Variants in LRRC3B observed in about 807,000 individuals in gnomAD.
LRRC3B encodes the protein leucine-rich repeat-containing protein 3B.
In LRRC3B, 2 loss-of-function variants were observed where a neutral mutation model predicts 12.8. The observed-to-expected ratio is 0.16, with a 90% CI of 0.06 to 0.49. LRRC3B has a LOEUF of 0.49. LRRC3B is among the 20% of genes least tolerant of loss of function. The pLI is 0.96. For missense variants in LRRC3B, 189 were observed against 319.4 expected (o/e 0.59, Z 3.11); for synonymous variants, 132 against 122.0 (o/e 1.08, Z -0.54).
At chr3:26,677,988 T>C (rs1456944595) in intron 1 of LRRC3B, among the ~76,000 whole-genome samples, 2 of 152,056 alleles carry the variant, frequency 1.3e-5, no homozygotes, top group East Asian at 1.9e-4. Flanking sequence ...TTCTTCTTTT[T>C]TATTTTTTTG....
At chr3:26,667,848 C>A (rs1699639147) in intron 1 of LRRC3B, among the ~76,000 whole-genome samples, 1 of 151,914 alleles carries the variant, frequency 6.6e-6, no homozygotes, top group Non-Finnish European at 1.5e-5. Context: ...GAGGCAAATA[C>A]CAACCCTGAA....
chr3:26,658,532 G>T (rs1258388111), intron 1 of LRRC3B, among the ~76,000 whole-genome samples: 1 of 152,158 alleles, frequency 6.6e-6, no homozygotes, highest in Non-Finnish European at 1.5e-5. Context: ...AGTTTTCCAG[G>T]GATGCTACTG....
At chr3:26,644,953 T>C (rs1004384817) in intron 1 of LRRC3B, among the ~76,000 whole-genome samples, 1 of 152,164 alleles carries the variant, frequency 6.6e-6, no homozygotes, top group Non-Finnish European at 1.5e-5. Context: ...TACATATGCA[T>C]ATGAAAACAT....
At chr3:26,654,260 G>A (rs1341556358) in intron 1 of LRRC3B, among the ~76,000 whole-genome samples, 4 of 152,184 alleles carry the variant, frequency 2.6e-5, no homozygotes, top group Admixed American at 6.5e-5. Context: ...GCAGACATAA[G>A]AAGCCGGCTG....
intron 1 of LRRC3B, among the ~76,000 whole-genome samples, chr3:26,627,454 G>C (rs1698653587): frequency 6.6e-6 from 1 of 152,022 alleles, no homozygotes; most frequent in Non-Finnish European, 1.5e-5. Context: ...ATCCTATAGT[G>C]AGGACCTAGG....
At chr3:26,656,129 C>T (rs999799929) in intron 1 of LRRC3B, among the ~76,000 whole-genome samples, 1 of 152,170 alleles carries the variant, frequency 6.6e-6, no homozygotes, top group Non-Finnish European at 1.5e-5. Flanking sequence ...ATTTGATAGT[C>T]TCTGTAAGGC....
intron 1 of LRRC3B, among the ~76,000 whole-genome samples, chr3:26,641,345 G>T (rs958832419): frequency 2.0e-5 from 3 of 152,176 alleles, no homozygotes; most frequent in Admixed American, 2.0e-4. Flanking sequence ...AGAGCTGTGG[G>T]CCCACCTGTG....
At position 26,705,334 on chromosome 3, in the gene LRRC3B, C is replaced by T. The variant is rs139165155; in HGVS notation, c.-160-4179C>T. On this transcript the variant is annotated intron_variant, in intron 1 of 1. Coordinates refer to ENST00000396641, the Ensembl canonical transcript of LRRC3B. ...TTGGGGTGCAGTGCATACTTAAACA[C>T]CACATCTAGAAATATTACGGCTTCT... Among the ~76,000 whole-genome samples, 394 of 151,898 alleles carry T rather than the reference C, an allele frequency of 2.6e-3. 5 individuals carry two copies. The highest frequency in any genetic ancestry group is 9.1e-3 in the African/African-American group (377 of 41,442).
chr3:26,666,949 G>A (rs1699617173), intron 1 of LRRC3B, among the ~76,000 whole-genome samples: 1 of 152,038 alleles, frequency 6.6e-6, no homozygotes, highest in South Asian at 2.1e-4. Context: ...CAAATGTAGG[G>A]ATTTTAACTA....
chr3:26,637,370 T>G (rs1279417993), intron 1 of LRRC3B, among the ~76,000 whole-genome samples: 2 of 152,208 alleles, frequency 1.3e-5, no homozygotes, highest in East Asian at 3.9e-4. Context: ...CTTCTCAACC[T>G]CCACCACCTC....
chr3:26,674,725 C>T (rs115354125), intron 1 of LRRC3B, among the ~76,000 whole-genome samples: 1 of 152,128 alleles, frequency 6.6e-6, no homozygotes, highest in Admixed American at 6.6e-5. Context: ...GGAAGCCCCA[C>T]AAACATCTCA....
intron 1 of LRRC3B, among the ~76,000 whole-genome samples, chr3:26,654,090 C>T (rs993956042): frequency 6.6e-6 from 1 of 152,178 alleles, no homozygotes; most frequent in African/African-American, 2.4e-5. Context: ...TTTCTAATAA[C>T]CTGCAAAATA....
intron 1 of LRRC3B, among the ~76,000 whole-genome samples, chr3:26,682,223 C>T (rs538412702): frequency 6.6e-6 from 1 of 152,240 alleles, no homozygotes; most frequent in South Asian, 2.1e-4. Flanking sequence ...ACAAGACTTG[C>T]CAATAGCTTT....
chr3:26,638,500 A>G (rs13318953), intron 1 of LRRC3B, among the ~76,000 whole-genome samples: 6,717 of 152,252 alleles, frequency 0.044, 359 homozygotes, highest in East Asian at 0.17. Context: ...CCCTCAAGTT[A>G]TAAACTTCTG....
intron 1 of LRRC3B, among the ~76,000 whole-genome samples, chr3:26,691,314 C>T (rs572180196): frequency 1.2e-3 from 178 of 151,708 alleles, no homozygotes; most frequent in Admixed American, 3.0e-3. Context: ...TGACTTCTAC[C>T]AACAAATTGG....
intron 1 of LRRC3B, among the ~76,000 whole-genome samples, chr3:26,644,910 T>C (rs1215882409): frequency 2.6e-5 from 4 of 152,158 alleles, no homozygotes; most frequent in Non-Finnish European, 5.9e-5. Context: ...ATAATGCCCA[T>C]ATATACACAG....
chr3:26,644,041 A>AT (rs1249729138), intron 1 of LRRC3B, among the ~76,000 whole-genome samples: 8 of 152,214 alleles, frequency 5.3e-5, no homozygotes, highest in Non-Finnish European at 8.8e-5. Flanking sequence ...TGTACGAATT[A>AT]TTTTTTGGTA....
chr3:26,628,286 A>G (rs1171887775), intron 1 of LRRC3B, among the ~76,000 whole-genome samples: 1 of 152,126 alleles, frequency 6.6e-6, no homozygotes, highest in Non-Finnish European at 1.5e-5. Context: ...TATACAATAC[A>G]TAGTATGAGT....
At chr3:26,635,788 C>A (rs945382088) in intron 1 of LRRC3B, among the ~76,000 whole-genome samples, 5 of 152,154 alleles carry the variant, frequency 3.3e-5, no homozygotes, top group South Asian at 2.1e-4. Flanking sequence ...ATACCACCAG[C>A]CTGGCACATA....
Sources: gnomAD v4.1 joint callset for allele counts (sites outside exome capture counted in the v4.1 genomes callset) on GRCh38, gnomAD v4.1.1 for gene constraint, MANE v1.5 for transcripts, NCBI Gene and HGNC (gene_info 2026-07-23, HGNC 2026-07-21) for gene names.